The following NXPE2 variants were observed in gnomAD, a reference collection of about 807,000 sequenced individuals.
NXPE2 encodes the protein NXPE family member 2.
In NXPE2, 34 loss-of-function variants were observed where a neutral mutation model predicts 34.4. The observed-to-expected ratio is 0.99, with a 90% CI of 0.75 to 1.31. NXPE2 has a LOEUF of 1.31. NXPE2 is among the 40% of genes most tolerant of loss of function. The pLI, the probability that NXPE2 is intolerant of heterozygous loss-of-function variation, is 0.00. For synonymous variants in NXPE2, 235 were observed against 231.3 expected (o/e 1.02, Z -0.15); for missense variants, 649 against 672.5 (o/e 0.97, Z 0.39).
At chr11:114,686,597 T>C (rs1951052539) in intron 2 of NXPE2, among the ~76,000 whole-genome samples, 1 of 152,148 alleles carries the variant, frequency 6.6e-6, no homozygotes, top group Non-Finnish European at 1.5e-5. Flanking sequence ...AAATGTCTTT[T>C]TGGTAGAACA....
chr11:114,514,716 TTATATA>T, the NXPE2 span, among the ~76,000 whole-genome samples: 1 of 152,208 alleles, frequency 6.6e-6, no homozygotes, highest in Admixed American at 6.5e-5. Context: ...ACACACAAAT[TTATATA>T]TATATTTACA....
At chr11:114,775,992 C>G in the NXPE2 span, among the ~76,000 whole-genome samples, 5 of 152,198 alleles carry the variant, frequency 3.3e-5, no homozygotes, top group Non-Finnish European at 7.3e-5. Context: ...AAGGATGGCA[C>G]AGTGCCACTC....
At chr11:114,531,363 C>G in the NXPE2 span, among the ~76,000 whole-genome samples, 1 of 152,074 alleles carries the variant, frequency 6.6e-6, no homozygotes, top group Non-Finnish European at 1.5e-5. Context: ...CTTTTTCTCT[C>G]CAGCTGTATC....
the NXPE2 span, among the ~76,000 whole-genome samples, chr11:114,627,966 C>T: frequency 6.6e-6 from 1 of 152,038 alleles, no homozygotes; most frequent in South Asian, 2.1e-4. Context: ...ACAAGAAGAG[C>T]TAACTATCCT....
At chr11:114,696,999 T>C (rs1332246885) in intron 2 of NXPE2, among the ~76,000 whole-genome samples, 2 of 152,180 alleles carry the variant, frequency 1.3e-5, no homozygotes, top group Admixed American at 6.5e-5. Flanking sequence ...AATAGAACAA[T>C]TATAACAACA....
At chr11:114,618,297 C>G in the NXPE2 span, among the ~76,000 whole-genome samples, 1 of 151,940 alleles carries the variant, frequency 6.6e-6, no homozygotes, top group Admixed American at 6.6e-5. Context: ...TGGGTAACCA[C>G]TGTTATCTGT....
the NXPE2 span, among the ~76,000 whole-genome samples, chr11:114,665,574 C>T: frequency 1.3e-5 from 2 of 152,138 alleles, no homozygotes; most frequent in African/African-American, 2.4e-5. Flanking sequence ...CTGAAGCCCA[C>T]GTAGTTAACA....
the NXPE2 span, among the ~76,000 whole-genome samples, chr11:114,636,650 C>G: frequency 6.6e-6 from 1 of 151,996 alleles, no homozygotes; most frequent in Admixed American, 6.6e-5. Flanking sequence ...CCCAGAGATT[C>G]TGGTACGTTG....
the NXPE2 span, among the ~76,000 whole-genome samples, chr11:114,468,131 T>TAA: frequency 0.013 from 1,705 of 135,700 alleles, 25 homozygotes; most frequent in Non-Finnish European, 0.02. Flanking sequence ...GCTGATGAGC[T>TAA]AAAAAAAAAA....
chr11:114,621,668 A>G, the NXPE2 span, among the ~76,000 whole-genome samples: 1 of 152,176 alleles, frequency 6.6e-6, no homozygotes, highest in South Asian at 2.1e-4. Context: ...TACCCTGTGG[A>G]TAATAAGTGA....
the NXPE2 span, chr11:114,582,427 G>C: frequency 6.2e-7 from 1 of 1,614,114 alleles, no homozygotes; most frequent in Non-Finnish European, 8.5e-7. Flanking sequence ...TCCAGGTACT[G>C]GCACAATTCA....
the NXPE2 span, chr11:114,581,813 T>A: frequency 6.6e-7 from 1 of 1,524,648 alleles, no homozygotes; most frequent in Non-Finnish European, 9.0e-7. Flanking sequence ...CAGAAATTAA[T>A]CTGTAGGTGG....
chr11:114,529,943 T>C, the NXPE2 span: 5 of 492,048 alleles, frequency 1.0e-5, no homozygotes, highest in Non-Finnish European at 1.4e-5. Flanking sequence ...GTGGAACATC[T>C]GTGAACACAT....
At chr11:114,606,949 T>G in the NXPE2 span, among the ~76,000 whole-genome samples, 1 of 150,646 alleles carries the variant, frequency 6.6e-6, no homozygotes, top group African/African-American at 2.4e-5. Flanking sequence ...ACTGTTATCC[T>G]GTGGATAATA....
the NXPE2 span, among the ~76,000 whole-genome samples, chr11:114,735,317 T>C: frequency 6.6e-6 from 1 of 152,182 alleles, no homozygotes; most frequent in Non-Finnish European, 1.5e-5. Flanking sequence ...CAAAATCCAC[T>C]TTTTATTAGT....
chr11:114,637,752 G>T, the NXPE2 span, among the ~76,000 whole-genome samples: 1 of 151,594 alleles, frequency 6.6e-6, no homozygotes, highest in East Asian at 1.9e-4. Flanking sequence ...TGAAATTCTG[G>T]GTTGAAAATT....
the NXPE2 span, among the ~76,000 whole-genome samples, chr11:114,663,590 T>G: frequency 4.6e-5 from 4 of 86,072 alleles, no homozygotes; most frequent in Non-Finnish European, 7.4e-5. Context: ...ATCTATCATC[T>G]ATCTATCTAT....
chr11:114,713,117 G>A, the NXPE2 span, among the ~76,000 whole-genome samples: 2 of 152,126 alleles, frequency 1.3e-5, no homozygotes, highest in African/African-American at 4.8e-5. Context: ...GGTTATCAAG[G>A]GCTGGTAGGA....
the NXPE2 span, chr11:114,582,769 GC>G: frequency 6.2e-7 from 1 of 1,614,172 alleles, no homozygotes; most frequent in Non-Finnish European, 8.5e-7. Context: ...AGGATGTGCA[GC>G]TGGTCTCCCC....
Sources: gnomAD v4.1 joint callset for allele counts (sites outside exome capture counted in the v4.1 genomes callset) on GRCh38, gnomAD v4.1.1 for gene constraint, MANE v1.5 for transcripts, NCBI Gene and HGNC (gene_info 2026-07-23, HGNC 2026-07-21) for gene names.